OR56A1: variants seen among roughly 807,000 people sequenced by gnomAD.
OR56A1 encodes olfactory receptor family 56 subfamily A member 1.
For missense variants in OR56A1, 360 were observed against 380.9 expected (o/e 0.94, Z 0.46); for synonymous variants, 174 against 159.1 (o/e 1.09, Z -0.70).
upstream of OR56A1, among the ~76,000 whole-genome samples, chr11:6,031,186 A>G (rs1014406363): frequency 3.9e-5 from 6 of 152,184 alleles, no homozygotes; most frequent in African/African-American, 1.4e-4. Context: ...ATAACTTTGG[A>G]AGGAAATTCT....
rs1848414631 is a variant in OR56A1 at position 6,023,224 on chromosome 11, T to C, written c.*3524A>G. On this transcript the variant is annotated 3_prime_UTR_variant, in exon 2 of 2. Transcript: ENST00000641900. ...TTTGCTTAACTTCAGACGTTGCTGT[T>C]TAAGTTCTACAGTTGCAGTCTTGAT... 6.6e-6 allele frequency: 1 copy of C among 152,198 alleles called. No individual in the cohort carries two copies. The highest frequency in any genetic ancestry group is 6.5e-5 in the Admixed American group (1 of 15,276). The allele number at this position is 152,198 out of a possible 1,614,324, so 9.4% of individuals were successfully genotyped here.
In OR56A1 at chr11:6,027,473, T is replaced by C; in HGVS notation, c.220A>G (p.Ile74Val). 4.3e-6 allele frequency: 7 copies of C among 1,614,124 alleles called. No homozygotes were observed. The highest frequency in any genetic ancestry group is 5.9e-6 in the Non-Finnish European group (7 of 1,180,016). ...YLLSLLSLLD[I>V]VLCLTVIPKV... ...GGGATGACGGTGAGGCAGAGCACGA[T>C]GTCCAGCAGGGAGAGGAGGCTGAGC... Residue 74 changes from isoleucine (I) to valine (V), a missense_variant, in exon 2 of 2, where the codon ATC becomes GTC. Physicochemically the swap from Ile to Val is conservative, Grantham distance 29. Transcript: ENST00000641900.
intron 1 of OR56A1, among the ~76,000 whole-genome samples, chr11:6,030,469 A>G (rs1268758563): frequency 1.3e-5 from 2 of 152,056 alleles, no homozygotes; most frequent in East Asian, 3.9e-4. Context: ...ACATTATGAA[A>G]GGAAGGAAGG....
chr11:6,025,707 G>C lies in OR56A1; in HGVS notation c.*1041C>G, dbSNP rs1289228628. The C allele has an allele frequency of 3.3e-5, 5 of 152,062 alleles. No individual in the cohort carries two copies. The highest frequency in any genetic ancestry group is 4.8e-5 in the African/African-American group (2 of 41,402). 9.4% of individuals were successfully genotyped at this position (152,062 alleles called of 1,614,324 possible). A position where few individuals can be genotyped will look rare whatever the true frequency, so the allele number is the denominator to read the frequency against. On this transcript the variant is annotated 3_prime_UTR_variant, in exon 2 of 2. Coordinates refer to ENST00000641900, the MANE Select transcript of OR56A1 (RefSeq NM_001388488.1). Reference sequence around the variant, plus strand: ...CAGATATCTGAGATCCAGTTCTATGGGCCACTTCCTAGCCTTTTAGGTTCT... The same window carrying C: ...CAGATATCTGAGATCCAGTTCTATGCGCCACTTCCTAGCCTTTTAGGTTCT...
At position 6,027,686 on chromosome 11, in the gene OR56A1, A is replaced by C. The variant is rs780062442; in HGVS notation, c.7T>G (p.Ser3Ala). The change falls in exon 2 of 2, where the codon TCA (serine) becomes GCA (alanine). Residue 3 changes from serine to alanine, a missense_variant. By Grantham distance (99) the Ser-to-Ala change is moderately conservative. Coordinates refer to ENST00000641900, the MANE Select transcript of OR56A1 (RefSeq NM_001388488.1). MASPSNSSTVPVS... is the reference protein window; with the variant it reads MAAPSNSSTVPVS... ...GGGACAGTGGAGCTGTTGCTGGGTG[A>C]CGCCATAGGCTGAATCATGAGCTGA... 2.5e-6 allele frequency: 4 copies of C among 1,588,296 alleles called. No individual in the cohort carries two copies. The highest frequency in any genetic ancestry group is 3.4e-6 in the Non-Finnish European group (4 of 1,167,958).
rs542807391 is a variant in OR56A1 at position 6,025,686 on chromosome 11, T to C, written c.*1062A>G. 12 of 152,350 alleles carry C rather than the reference T, an allele frequency of 7.9e-5. No homozygotes were observed. The highest frequency in any genetic ancestry group is 2.9e-4 in the African/African-American group (12 of 41,562). The allele number at this position is 152,350 out of a possible 1,614,324, so 9.4% of individuals were successfully genotyped here. A position where few individuals can be genotyped will look rare whatever the true frequency, so the allele number is the denominator to read the frequency against. ...ATTAGGGACAGCATCCTTCCTCAGATATCTGAGATCCAGTTCTATGGGCCA... is the reference window on the plus strand; with the variant it reads ...ATTAGGGACAGCATCCTTCCTCAGACATCTGAGATCCAGTTCTATGGGCCA... On this transcript the variant is annotated 3_prime_UTR_variant, in exon 2 of 2. Coordinates refer to ENST00000641900, the MANE Select transcript of OR56A1 (RefSeq NM_001388488.1).
Position 6,027,693 on chromosome 11 carries a change from AG to A in OR56A1, c.-2del. 1 of 1,578,880 alleles carries A rather than the reference AG, an allele frequency of 6.3e-7. No individual in the cohort carries two copies. On this transcript the variant is annotated 5_prime_UTR_variant, in exon 2 of 2. Coordinates refer to ENST00000641900, the MANE Select transcript of OR56A1 (RefSeq NM_001388488.1). ...TGGAGCTGTTGCTGGGTGACGCCAT[AG>A]GCTGAATCATGAGCTGAGTAGGCTT...
rs753809795 is a variant in OR56A1, at chr11:6,027,118, C to T, written c.575G>A (p.Cys192Tyr). 4 of 1,614,028 alleles carry T rather than the reference C, an allele frequency of 2.5e-6. No individual in the cohort carries two copies. The highest frequency in any genetic ancestry group is 1.1e-5 in the South Asian group (1 of 91,086). Residue 192 changes from cysteine (C) to tyrosine (Y), a missense_variant, in exon 2 of 2, where the codon TGT (cysteine) becomes TAT (tyrosine). Coordinates refer to ENST00000641900, the MANE Select transcript of OR56A1 (RefSeq NM_001388488.1). ...CANLSVSRLS[C>Y]DNFTLNRIYQ... ...GATTCTGTTAAGGGTGAAATTATCA[C>T]AGGAGAGCCTGGACACAGACAAGTT...
upstream of OR56A1, among the ~76,000 whole-genome samples, chr11:6,033,985 T>C (rs1294827433): frequency 2.0e-5 from 3 of 152,134 alleles, no homozygotes; most frequent in South Asian, 2.1e-4. Flanking sequence ...CTTTATCCCA[T>C]TGTGGGATCT....
chr11:6,031,198 T>C (rs1023066450), upstream of OR56A1, among the ~76,000 whole-genome samples: 1 of 152,162 alleles, frequency 6.6e-6, no homozygotes, highest in Non-Finnish European at 1.5e-5. Context: ...GGAAATTCTA[T>C]GCAATATTTA....
chr11:6,029,848 C>G (rs932331202), intron 1 of OR56A1, among the ~76,000 whole-genome samples: 1 of 152,172 alleles, frequency 6.6e-6, no homozygotes, highest in South Asian at 2.1e-4. Flanking sequence ...ATTACCATCT[C>G]TATTACTAAA....
At chr11:6,027,781 T>A (rs1003724205) in intron 1 of OR56A1, 55 bp from the exon 2 acceptor site, 1 of 1,099,396 alleles carries the variant, frequency 9.1e-7, no homozygotes, top group African/African-American at 1.6e-5. Context: ...TTGAAAAGTA[T>A]CCCTTTCACT....
chr11:6,027,444 C>T lies in OR56A1; in HGVS notation c.249G>A (p.Lys83=), dbSNP rs201242080. ...DIVLCLTVIP[K]VLAIFWYDLR... ...GATCATACCAGAAGATGGCCAGGAC[C>T]TTGGGGATGACGGTGAGGCAGAGCA... Residue 83 remains lysine, a synonymous_variant, in exon 2 of 2, where the codon AAG becomes AAA. Coordinates refer to ENST00000641900, the MANE Select transcript of OR56A1 (RefSeq NM_001388488.1). The T allele has an allele frequency of 8.0e-4, 1,286 of 1,614,168 alleles. 15 individuals are homozygous for T. The Admixed American group carries it at 0.02, about 25-fold the overall frequency.
intron 1 of OR56A1, among the ~76,000 whole-genome samples, chr11:6,028,824 A>T (rs768351497): frequency 2.6e-5 from 4 of 152,220 alleles, no homozygotes; most frequent in Non-Finnish European, 5.9e-5. Context: ...TATCAAAAAG[A>T]TAATTGTACT....
intron 1 of OR56A1, among the ~76,000 whole-genome samples, chr11:6,028,380 T>C (rs1590489075): frequency 1.3e-5 from 2 of 152,136 alleles, no homozygotes; most frequent in South Asian, 4.2e-4. Context: ...TCAATAAATA[T>C]TGCACCCTAC....
chr11:6,026,077 G>C lies in OR56A1; in HGVS notation c.*671C>G, dbSNP rs1468885750. ...AGCTTTCCTGTTTCCTACTCTCTTA[G>C]GGTCCCCTCTACCTGTCTGCATCCA... On this transcript the variant is annotated 3_prime_UTR_variant, in exon 2 of 2. Transcript: ENST00000641900. 1 of 152,164 alleles carries C rather than the reference G, an allele frequency of 6.6e-6. No individual in the cohort carries two copies. The highest frequency in any genetic ancestry group is 1.5e-5 in the Non-Finnish European group (1 of 68,066). 9.4% of individuals were successfully genotyped at this position (152,164 alleles called of 1,614,324 possible).
chr11:6,021,131 G>C lies in OR56A1; in HGVS notation c.*5617C>G, dbSNP rs1468286111. Reference sequence around the variant, plus strand: ...GAAAAGTAATGGAAATTATGCCTAAGAAAATCCTTTGAGTGTGATCACTAG... The same window carrying C: ...GAAAAGTAATGGAAATTATGCCTAACAAAATCCTTTGAGTGTGATCACTAG... On this transcript the variant is annotated 3_prime_UTR_variant, in exon 2 of 2. Coordinates refer to ENST00000641900, the MANE Select transcript of OR56A1 (RefSeq NM_001388488.1). 1 of 152,066 alleles carries C rather than the reference G, an allele frequency of 6.6e-6. No homozygotes were observed. Among genetic ancestry groups the C allele is most frequent in the Non-Finnish European group, 1.5e-5 (1 of 67,954 alleles). The allele number at this position is 152,066 out of a possible 1,614,324, so 9.4% of individuals were successfully genotyped here.
rs1250452032 is a variant in OR56A1 at position 6,025,916 on chromosome 11, C to G, written c.*832G>C. 6.6e-6 allele frequency: 1 copy of G among 152,120 alleles called. No individual in the cohort carries two copies. Among genetic ancestry groups the G allele is most frequent in the Admixed American group, 6.5e-5 (1 of 15,278 alleles). 9.4% of individuals were successfully genotyped at this position (152,120 alleles called of 1,614,324 possible). A position where few individuals can be genotyped will look rare whatever the true frequency, so the allele number is the denominator to read the frequency against. On this transcript the variant is annotated 3_prime_UTR_variant, in exon 2 of 2. Transcript: ENST00000641900. ...AACTGGAACCATTATTATCCAGAAA[C>G]CTGACACTATGACATATCTTTCCAC...
At position 6,025,507 on chromosome 11, in the gene OR56A1, T is replaced by A. The variant is rs1848438390; in HGVS notation, c.*1241A>T. ...GAATTGATTCTAGTCTCCAGATTGG[T>A]TGGTTGGTTGATTGGTTTTGGTTTT... On this transcript the variant is annotated 3_prime_UTR_variant, in exon 2 of 2. Coordinates refer to ENST00000641900, the MANE Select transcript of OR56A1 (RefSeq NM_001388488.1). The A allele has an allele frequency of 6.6e-6, 1 of 152,296 alleles. No homozygotes were observed. The highest frequency in any genetic ancestry group is 2.4e-5 in the African/African-American group (1 of 41,458). The allele number at this position is 152,296 out of a possible 1,614,324, so 9.4% of individuals were successfully genotyped here. A position where few individuals can be genotyped will look rare whatever the true frequency, so the allele number is the denominator to read the frequency against.
Sources: allele counts gnomAD v4.1 joint callset (sites outside exome capture counted in the v4.1 genomes callset), GRCh38; gene constraint gnomAD v4.1.1; transcripts MANE v1.5; gene names NCBI Gene and HGNC (gene_info 2026-07-23, HGNC 2026-07-21).